PCDHGB1: variants seen among roughly 807,000 people sequenced by gnomAD.
PCDHGB1 encodes the protein protocadherin gamma subfamily B, 1, also known as protocadherin gamma-B1.
Under a neutral mutation model 56.6 loss-of-function variants are expected in PCDHGB1, and 34 were observed. The ratio of observed to expected loss-of-function variants is 0.60; its 90% CI spans 0.46 to 0.80. PCDHGB1 has a LOEUF of 0.80. Ranked by LOEUF, PCDHGB1 falls within the 30% of genes least tolerant of loss-of-function variation. The probability of loss-of-function intolerance (pLI) is 0.00; values close to 1 mark genes in which losing one functional copy is unlikely to be tolerated. For missense variants in PCDHGB1, 1,278 were observed against 1,204.6 expected (o/e 1.06, Z -0.90); for synonymous variants, 561 against 505.9 (o/e 1.11, Z -1.46).
At chr5:141,422,782 C>CG in intron 1 of PCDHGB1, 1 of 1,614,090 alleles carries the variant, frequency 6.2e-7, no homozygotes, top group South Asian at 1.1e-5. Context: ...CTATGCCCTA[C>CG]AATCCTTCGA....
chr5:141,430,987 C>T (rs1171599563), intron 1 of PCDHGB1: 2 of 1,613,690 alleles, frequency 1.2e-6, no homozygotes, highest in African/African-American at 2.7e-5. Context: ...AGCTTTTCGC[C>T]CTGAATCCGC....
chr5:141,352,270 C>T lies in PCDHGB1; in HGVS notation c.2010C>T (p.Asp670=). ...ATAGCCTGCAAGAGGTATTGCCAGA[C>T]CTCAGCGACCGCCCTGAGCCCTCTG... ...FADSLQEVLP[D]LSDRPEPSDP... is the part of the protein sequence containing the mutation. Residue 670 remains aspartate, a synonymous_variant, in exon 1 of 4, where the codon GAC becomes GAT. Coordinates refer to ENST00000523390, the MANE Select transcript of PCDHGB1 (RefSeq NM_018922.3). 1 of 1,614,072 alleles carries T rather than the reference C, an allele frequency of 6.2e-7. No homozygotes were observed. The highest frequency in any genetic ancestry group is 1.3e-5 in the African/African-American group (1 of 75,076).
At chr5:141,384,549 G>C in intron 1 of PCDHGB1, 1 of 1,614,244 alleles carries the variant, frequency 6.2e-7, no homozygotes, top group Non-Finnish European at 8.5e-7. Context: ...CACTGAGCCT[G>C]TTCGTGCTGG....
At chr5:141,370,460 C>G (rs373931690) in intron 1 of PCDHGB1, 43 of 1,612,562 alleles carry the variant, frequency 2.7e-5, no homozygotes, top group East Asian at 4.5e-5. Flanking sequence ...TCTTCCTGCT[C>G]TCTTTGTTAG....
intron 1 of PCDHGB1, chr5:141,394,247 C>A (rs1414649061): frequency 1.2e-6 from 2 of 1,613,854 alleles, no homozygotes; most frequent in African/African-American, 1.3e-5. Flanking sequence ...CTGCACACGA[C>A]CCCGACAGCC....
chr5:141,383,044 G>A, intron 1 of PCDHGB1: 2 of 1,613,876 alleles, frequency 1.2e-6, no homozygotes, highest in Non-Finnish European at 1.7e-6. Flanking sequence ...GGGAGACATC[G>A]CCAAGGACCT....
intron 1 of PCDHGB1, chr5:141,405,016 C>T: frequency 6.2e-7 from 1 of 1,614,006 alleles, no homozygotes; most frequent in Non-Finnish European, 8.5e-7. Flanking sequence ...AGGCCTCAGA[C>T]CTTACCCTCT....
chr5:141,491,583 C>G lies in PCDHGB1; in HGVS notation c.2410-3224C>G. On this transcript the variant is annotated intron_variant, in intron 1 of 3. Coordinates refer to ENST00000523390, the MANE Select transcript of PCDHGB1 (RefSeq NM_018922.3). This position sits in a 1 kb window ranked among gnomAD's most constrained non-coding sequence, Gnocchi z 6.9. ...GCTACAGGACGTGCTTTTCACCGGC[C>G]TCGGACGGCAGTGACTTCACTTTTC... is the stretch of plus-strand genomic sequence containing the variant. 1 of 1,613,964 alleles carries G rather than the reference C, an allele frequency of 6.2e-7. No individual in the cohort carries two copies. The highest frequency in any genetic ancestry group is 8.5e-7 in the Non-Finnish European group (1 of 1,180,046).
chr5:141,395,197 T>C, intron 1 of PCDHGB1: 1 of 1,614,012 alleles, frequency 6.2e-7, no homozygotes, highest in Non-Finnish European at 8.5e-7. Context: ...TTAACATCCG[T>C]AGATTTTCAT....
At chr5:141,409,464 C>A in intron 1 of PCDHGB1, 1 of 1,613,940 alleles carries the variant, frequency 6.2e-7, no homozygotes, top group South Asian at 1.1e-5. Context: ...TACAATGTCA[C>A]CATCGTAGCC....
At chr5:141,403,913 G>A (rs567115998) in intron 1 of PCDHGB1, 5 of 1,613,844 alleles carry the variant, frequency 3.1e-6, no homozygotes, top group Non-Finnish European at 8.5e-7. Context: ...GGAAATACAA[G>A]CTGAAGATGG....
Position 141,494,824 on chromosome 5 carries a change from G to A in PCDHGB1, c.2427G>A (p.Thr809=), listed in dbSNP as rs1423741889. The A allele has an allele frequency of 1.8e-5, 29 of 1,613,924 alleles. No homozygotes were observed. Among genetic ancestry groups the A allele is most frequent in the Non-Finnish European group, 2.4e-5 (28 of 1,180,032 alleles). Residue 809 remains threonine (T), a synonymous_variant, in exon 2 of 4, where the codon ACG becomes ACA. Transcript: ENST00000523390. The part of the protein sequence containing the change: ...SLSSHQAPPN[T]DWRFSQAQRP... ...CTCCACAGCAAGCCCCGCCCAACAC[G>A]GACTGGCGTTTCTCTCAGGCCCAGA...
chr5:141,360,472 C>G, intron 1 of PCDHGB1: 1 of 1,613,884 alleles, frequency 6.2e-7, no homozygotes, highest in Non-Finnish European at 8.5e-7. Flanking sequence ...CGCTGAAAAT[C>G]CACTAAATAT....
rs763582836 is a variant in PCDHGB1 at position 141,404,442 on chromosome 5, A to G, written c.2409+51773A>G. Reference sequence around the variant, plus strand: ...TACTCCTTGGCAGAGGATACCATCCAAGGGTCTCCTCTCTCCACCTATGTC... The same window carrying G: ...TACTCCTTGGCAGAGGATACCATCCGAGGGTCTCCTCTCTCCACCTATGTC... On this transcript the variant is annotated intron_variant, in intron 1 of 3. Transcript: ENST00000523390. 21 of 1,610,906 alleles carry G rather than the reference A, an allele frequency of 1.3e-5. No homozygotes were observed. In the Admixed American group the frequency reaches 3.5e-4, roughly 27 times the overall value.
chr5:141,390,479 T>C lies in PCDHGB1; in HGVS notation c.2409+37810T>C, dbSNP rs143576019. On this transcript the variant is annotated intron_variant, in intron 1 of 3. Coordinates refer to ENST00000523390, the MANE Select transcript of PCDHGB1 (RefSeq NM_018922.3). Reference sequence around the variant, plus strand: ...GTAGGAGCAATTGTGTGGCCCAACATTTGTTTGTTTTTTAGCCAAGCTTAG... The same window carrying C: ...GTAGGAGCAATTGTGTGGCCCAACACTTGTTTGTTTTTTAGCCAAGCTTAG... 1.6e-3 allele frequency: 1,064 copies of C among 668,890 alleles called. 6 individuals are homozygous for C. The highest frequency in any genetic ancestry group is 0.016 in the African/African-American group (871 of 55,142). The allele number at this position is 668,890 out of a possible 1,614,324, so 41.4% of individuals were successfully genotyped here.
chr5:141,357,267 C>T, intron 1 of PCDHGB1: 1 of 1,613,834 alleles, frequency 6.2e-7, no homozygotes, highest in Non-Finnish European at 8.5e-7. Context: ...ACTCGGGCCT[C>T]ACACTCTATC....
chr5:141,382,990 A>T, intron 1 of PCDHGB1: 4 of 1,613,412 alleles, frequency 2.5e-6, no homozygotes, highest in Non-Finnish European at 3.4e-6. Context: ...GGCAGGACGT[A>T]TTCTCTACTC....
chr5:141,375,578 G>T, intron 1 of PCDHGB1: 1 of 1,614,062 alleles, frequency 6.2e-7, no homozygotes, highest in Non-Finnish European at 8.5e-7. Flanking sequence ...CCTCCAGGGG[G>T]CGCCCCTGTC....
chr5:141,403,789 C>T (rs1230029917), intron 1 of PCDHGB1: 1 of 1,613,864 alleles, frequency 6.2e-7, no homozygotes, highest in East Asian at 2.2e-5. Flanking sequence ...AAGTGGCATA[C>T]AAATTCTGGA....
Sources: allele counts gnomAD v4.1 joint callset, GRCh38; gene constraint gnomAD v4.1.1; non-coding constraint Gnocchi (gnomAD v3.1); transcripts MANE v1.5; gene names NCBI Gene and HGNC (gene_info 2026-07-23, HGNC 2026-07-21).